Variants in RELN observed in about 807,000 individuals in gnomAD.
The protein encoded by RELN is reelin.
Under a neutral mutation model 427.6 loss-of-function variants are expected in RELN, and 108 were observed. The observed-to-expected ratio is 0.25, with a 90% CI of 0.22 to 0.30. RELN has a LOEUF of 0.30. RELN is among the 10% of genes least tolerant of loss of function. The pLI is 1.00. For synonymous variants in RELN, 1,524 were observed against 1,513.4 expected, an observed-to-expected ratio of 1.01 and a Z score of -0.16; for missense variants, 3,715 against 4,302.8, an observed-to-expected ratio of 0.86 and a Z score of 3.82.
intron 1 of RELN, among the ~76,000 whole-genome samples, chr7:103,934,854 G>A (rs1795945717): frequency 6.6e-6 from 1 of 152,194 alleles, no homozygotes; most frequent in Non-Finnish European, 1.5e-5. Flanking sequence ...CACCTCATCT[G>A]CTCTAGGTGA....
intron 26 of RELN, 115 bp from the exon 27 acceptor site, chr7:103,593,997 A>C: frequency 1.2e-6 from 1 of 817,406 alleles, no homozygotes; most frequent in Admixed American, 2.3e-5. Context: ...CTAGGAAAAC[A>C]CAGAAGAATC....
At chr7:103,617,033 T>G (rs1436020521) in intron 20 of RELN, among the ~76,000 whole-genome samples, 1 of 152,186 alleles carries the variant, frequency 6.6e-6, no homozygotes, top group East Asian at 1.9e-4. Context: ...CAACAATGAC[T>G]GAGGTGCCAC....
At chr7:103,600,041 C>A (rs1363026977) in intron 24 of RELN, among the ~76,000 whole-genome samples, 3 of 152,074 alleles carry the variant, frequency 2.0e-5, no homozygotes, top group Non-Finnish European at 4.4e-5. Flanking sequence ...GGAGTACAGG[C>A]ATGCCCCACT....
intron 2 of RELN, among the ~76,000 whole-genome samples, chr7:103,892,586 T>C (rs561458832): frequency 1.3e-5 from 2 of 152,286 alleles, no homozygotes; most frequent in African/African-American, 4.8e-5. Context: ...CAATTTCTGT[T>C]CAGATTTATT....
In RELN at chr7:103,654,209, C is replaced by T. The variant is rs757926281; in HGVS notation, c.1442-4G>A. 7 of 1,570,430 alleles carry T rather than the reference C, an allele frequency of 4.5e-6. No individual in the cohort carries two copies. In the East Asian group the frequency reaches 1.1e-4, roughly 25 times the overall value. On this transcript the variant is annotated splice_polypyrimidine_tract_variant and splice_region_variant and intron_variant, in intron 12 of 64. Coordinates refer to ENST00000428762, the MANE Select transcript of RELN (RefSeq NM_005045.4). ...TTTCCAGGGTCACAAATTCCTCCTG[C>T]ACAAAACAAAAATTTTAAGTTGCTA...
chr7:103,511,084 T>G (rs528005956), intron 50 of RELN, 79 bp from the exon 51 acceptor site: 1 of 990,362 alleles, frequency 1.0e-6, no homozygotes, highest in African/African-American at 1.6e-5. Context: ...AAGCAAGACA[T>G]AGAATTATTT....
At chr7:103,662,535 T>C (rs1007022717) in intron 11 of RELN, among the ~76,000 whole-genome samples, 1 of 145,764 alleles carries the variant, frequency 6.9e-6, no homozygotes. Flanking sequence ...GGCTGGAGAA[T>C]GGTGTGAACC....
chr7:103,566,454 C>T, intron 32 of RELN, 42 bp from the exon 33 acceptor site: 2 of 1,598,922 alleles, frequency 1.3e-6, no homozygotes, highest in Non-Finnish European at 1.7e-6. Context: ...AGTTTTGTTA[C>T]ATAGCAATAT....
At chr7:103,672,192 T>A (rs1833407727) in intron 11 of RELN, among the ~76,000 whole-genome samples, 1 of 152,220 alleles carries the variant, frequency 6.6e-6, no homozygotes, top group South Asian at 2.1e-4. Flanking sequence ...TTGCTCTATA[T>A]GCAAATTTGT....
At chr7:103,509,340 A>G (rs1829320439) in intron 51 of RELN, among the ~76,000 whole-genome samples, 1 of 152,200 alleles carries the variant, frequency 6.6e-6, no homozygotes, top group African/African-American at 2.4e-5. Context: ...GGCCTCAGAA[A>G]TAACACCACA....
chr7:103,931,845 C>G (rs1333594388), intron 1 of RELN, among the ~76,000 whole-genome samples: 1 of 152,082 alleles, frequency 6.6e-6, no homozygotes, highest in Non-Finnish European at 1.5e-5. Context: ...CAGAAGTAGA[C>G]CTGGAGGTGG....
At chr7:103,566,096 C>T in intron 33 of RELN, 128 bp downstream of exon 33, 2 of 816,706 alleles carry the variant, frequency 2.4e-6, no homozygotes, top group Non-Finnish European at 2.0e-6. Flanking sequence ...TTTTTTTTCA[C>T]TGAGAGCCAC....
chr7:103,890,888 C>A (rs1584337709), intron 2 of RELN, among the ~76,000 whole-genome samples: 1 of 152,198 alleles, frequency 6.6e-6, no homozygotes, highest in East Asian at 1.9e-4. Context: ...CCACCCTGAC[C>A]AACATGGTGA....
At chr7:103,697,179 C>T (rs140112524) in intron 10 of RELN, among the ~76,000 whole-genome samples, 3 of 152,242 alleles carry the variant, frequency 2.0e-5, no homozygotes, top group African/African-American at 7.2e-5. Flanking sequence ...AATGTGCTCT[C>T]TGGGGTGTCT....
At chr7:103,528,195 A>G (rs1829866001) in intron 46 of RELN, among the ~76,000 whole-genome samples, 1 of 152,248 alleles carries the variant, frequency 6.6e-6, no homozygotes, top group African/African-American at 2.4e-5. Flanking sequence ...TATATCCATA[A>G]AATGGAATAT....
intron 53 of RELN, 32 bp downstream of exon 53, chr7:103,500,713 G>A (rs1828997949): frequency 6.2e-7 from 1 of 1,611,356 alleles, no homozygotes; most frequent in South Asian, 1.1e-5. Context: ...CATGATGTGA[G>A]TAATGCGTCT....
chr7:103,709,050 A>G (rs914803051), intron 8 of RELN, among the ~76,000 whole-genome samples: 4 of 152,214 alleles, frequency 2.6e-5, no homozygotes, highest in African/African-American at 9.7e-5. Flanking sequence ...GAACACTTGA[A>G]TGAATGAAGG....
chr7:103,633,689 A>T (rs935524725), intron 19 of RELN, among the ~76,000 whole-genome samples: 1 of 152,150 alleles, frequency 6.6e-6, no homozygotes, highest in Non-Finnish European at 1.5e-5. Flanking sequence ...ATTATTTTTC[A>T]TATCAACAAA....
At position 103,561,878 on chromosome 7, in the gene RELN, A is replaced by G. The variant is rs767267721; in HGVS notation, c.5286T>C (p.Val1762=). 2 of 1,613,652 alleles carry G rather than the reference A, an allele frequency of 1.2e-6. No individual in the cohort carries two copies. Among genetic ancestry groups the G allele is most frequent in the Non-Finnish European group, 1.7e-6 (2 of 1,179,924 alleles). The change falls in exon 35 of 65, where the codon GTT becomes GTC. Residue 1762 remains valine, a synonymous_variant. Coordinates refer to ENST00000428762, the MANE Select transcript of RELN (RefSeq NM_005045.4). ...VGADSWAIDN[V]VLASGCPWMC... ...TCCAAGGGCACCCTGAGGCCAGTAC[A>G]ACATTATCAATCGCCCAGGAATCAG...
Sources: allele counts gnomAD v4.1 joint callset (sites outside exome capture counted in the v4.1 genomes callset), GRCh38; gene constraint gnomAD v4.1.1; transcripts MANE v1.5; gene names NCBI Gene and HGNC (gene_info 2026-07-23, HGNC 2026-07-21).